Variants in PIN4 observed in about 807,000 individuals in gnomAD.
PIN4 encodes the protein peptidylprolyl cis/trans isomerase, NIMA-interacting 4, also known as peptidyl-prolyl cis-trans isomerase NIMA-interacting 4.
A neutral mutation model predicts 8.3 loss-of-function variants in PIN4; 3 were observed. The ratio of observed to expected loss-of-function variants is 0.36; its 90% CI spans 0.16 to 0.93. PIN4 has a LOEUF of 0.93. PIN4 is among the 40% of genes least tolerant of loss of function. The pLI is 0.44. For missense variants in PIN4, 75 were observed against 100.6 expected, an observed-to-expected ratio of 0.75 and a Z score of 1.09; for synonymous variants, 18 against 32.5, an observed-to-expected ratio of 0.55 and a Z score of 1.52.
At chrX:72,249,219 A>G (rs2043078206) in intron 3 of PIN4, among the ~76,000 whole-genome samples, 1 of 112,290 alleles carries the variant, frequency 8.9e-6, no homozygotes, top group African/African-American at 3.2e-5. Context: ...TGATCAACAT[A>G]ATTTTCCATT....
At chrX:72,222,755 GC>G (rs1193604436) in intron 3 of PIN4, among the ~76,000 whole-genome samples, 1 of 108,824 alleles carries the variant, frequency 9.2e-6, no homozygotes, top group African/African-American at 3.3e-5. Context: ...GTGTCACCAC[GC>G]CCAGCTAATT....
At chrX:72,261,907 T>C (rs57095811) in intron 3 of PIN4, among the ~76,000 whole-genome samples, 7,869 of 109,714 alleles carry the variant, frequency 0.072, 472 homozygotes, top group East Asian at 0.47. Flanking sequence ...CATTCCCAGG[T>C]GTTCTTGTTT....
At chrX:72,259,734 T>TC (rs1219484330) in intron 3 of PIN4, among the ~76,000 whole-genome samples, 9 of 91,766 alleles carry the variant, frequency 9.8e-5, no homozygotes, top group Non-Finnish European at 2.0e-4. Context: ...CTTTTTTTTT[T>TC]TTTTTTTTTT....
intron 3 of PIN4, among the ~76,000 whole-genome samples, chrX:72,244,740 G>A (rs1422164764): frequency 9.0e-6 from 1 of 110,862 alleles, no homozygotes; most frequent in East Asian, 2.8e-4. Flanking sequence ...GAGAATGGAA[G>A]AGTGTTTTTG....
chrX:72,207,277 T>C (rs1252203341), intron 3 of PIN4: 1 of 1,211,433 alleles, frequency 8.3e-7, no homozygotes, highest in East Asian at 3.0e-5. Flanking sequence ...GTGCCTATTC[T>C]TTAAGAGGCG....
intron 3 of PIN4, among the ~76,000 whole-genome samples, chrX:72,229,412 T>C (rs923934942): frequency 2.7e-5 from 3 of 111,789 alleles, no homozygotes; most frequent in Non-Finnish European, 5.6e-5. Context: ...ATATCAATGG[T>C]GCAACATCCT....
intron 3 of PIN4, among the ~76,000 whole-genome samples, chrX:72,210,387 G>A (rs2042847325): frequency 1.8e-5 from 2 of 111,106 alleles, no homozygotes; most frequent in East Asian, 2.8e-4. Context: ...CCAAGTGTTG[G>A]CAAGGTGTGA....
At chrX:72,182,648 T>C (rs1465879256) in intron 1 of PIN4, among the ~76,000 whole-genome samples, 1 of 111,357 alleles carries the variant, frequency 9.0e-6, no homozygotes, top group Non-Finnish European at 1.9e-5. Flanking sequence ...TTGAGGGATG[T>C]GTATGGGATA....
rs1309448682 is a variant in PIN4, at chrX:72,255,272, A to AT, written c.313-7435_313-7434insT. ...GCGACAGAGCAAGACCCCATCTCTA[A>AT]AAATAATAATAATAATAATAATAAT... On this transcript the variant is annotated intron_variant, in intron 3 of 3. Coordinates refer to the PIN4 transcript ENST00000423432. Among the ~76,000 whole-genome samples, 10 of 92,723 alleles carry AT rather than the reference A, an allele frequency of 1.1e-4. No homozygotes were observed. The East Asian group carries it at 1.9e-3, about 17-fold the overall frequency. 80.5% of individuals were successfully genotyped at this position (92,723 alleles called of 115,157 possible).
Position 72,205,217 on chromosome X carries a change from G to A in PIN4, c.312+8313G>A. On this transcript the variant is annotated intron_variant, in intron 3 of 3. Coordinates refer to the PIN4 transcript ENST00000423432. ...TTATCCTGGGGAGAACCAACCAACT[G>A]TTCACCAGACAAAGGCTCAGGGGCA... 2.5e-6 allele frequency: 3 copies of A among 1,211,641 alleles called. No homozygotes were observed. In the South Asian group the frequency reaches 5.3e-5, roughly 21 times the overall value.
chrX:72,184,253 G>A lies in PIN4; in HGVS notation c.44-2208G>A, dbSNP rs2042687439. Among the ~76,000 whole-genome samples the A allele has an allele frequency of 2.7e-5, 3 of 111,755 alleles. No homozygotes were observed. The South Asian group carries it at 1.1e-3, about 42-fold the overall frequency. On this transcript the variant is annotated intron_variant, in intron 1 of 3. Coordinates refer to ENST00000373669, the MANE Select transcript of PIN4 (RefSeq NM_006223.4). ...GTGGGAAGGGAAAAAGAAGTCTGGT[G>A]GCCTAGGTGAATGTAGCAGGACGAA...
At chrX:72,207,562 G>A (rs1334765481) in intron 3 of PIN4, 1 of 1,209,587 alleles carries the variant, frequency 8.3e-7, no homozygotes, top group Non-Finnish European at 1.1e-6. Context: ...ACCTAGCTCA[G>A]CCAAAGGTGA....
At chrX:72,227,116 C>A (rs762739438) in intron 3 of PIN4, among the ~76,000 whole-genome samples, 1 of 111,924 alleles carries the variant, frequency 8.9e-6, no homozygotes, top group Non-Finnish European at 1.9e-5. Flanking sequence ...TAAAAAGGTT[C>A]GGTTTCTTCC....
chrX:72,198,791 G>A (rs1215829548), downstream of PIN4: 2 of 111,087 alleles, frequency 1.8e-5, no homozygotes, highest in Non-Finnish European at 3.8e-5. Flanking sequence ...CTTGGAGTTC[G>A]AGGCTGCAGT....
intron 3 of PIN4, among the ~76,000 whole-genome samples, chrX:72,225,125 C>T (rs1219049180): frequency 8.9e-6 from 1 of 111,753 alleles, no homozygotes; most frequent in East Asian, 2.8e-4. Context: ...AAATTCCTCC[C>T]AACACTAGCC....
At chrX:72,243,436 A>G (rs2043056814) in intron 3 of PIN4, among the ~76,000 whole-genome samples, 1 of 110,924 alleles carries the variant, frequency 9.0e-6, no homozygotes, top group Non-Finnish European at 1.9e-5. Context: ...GTATTTTCAG[A>G]CAAAATGATA....
intron 3 of PIN4, among the ~76,000 whole-genome samples, chrX:72,261,772 GTAT>G (rs2043140895): frequency 9.1e-6 from 1 of 109,637 alleles, no homozygotes; most frequent in Non-Finnish European, 1.9e-5. Flanking sequence ...TTGTTATATT[GTAT>G]TATAAGTTAT....
At position 72,197,647 on chromosome X, in the gene PIN4, C is replaced by T; in HGVS notation, c.*121C>T. 1 of 1,073,953 alleles carries T rather than the reference C, an allele frequency of 9.3e-7. No individual in the cohort carries two copies. The highest frequency in any genetic ancestry group is 1.2e-6 in the Non-Finnish European group (1 of 826,684). The allele number at this position is 1,073,953 out of a possible 1,213,427, so 88.5% of individuals were successfully genotyped here. A position where few individuals can be genotyped will look rare whatever the true frequency, so the allele number is the denominator to read the frequency against. On this transcript the variant is annotated 3_prime_UTR_variant, in exon 4 of 4. Transcript: ENST00000373669. ...TTTTAAAAAGAAAAGATATTGGATG[C>T]TCCTTGTATTCTGTGAAAGCTCTAA...
rs2042769012 is a variant in PIN4, at chrX:72,196,862, T to C, written c.195T>C (p.Asn65=). 8.3e-7 allele frequency: 1 copy of C among 1,204,660 alleles called. No homozygotes were observed. The highest frequency in any genetic ancestry group is 3.0e-5 in the East Asian group (1 of 33,754). Residue 65 remains asparagine, a synonymous_variant, in exon 3 of 4, where the codon AAT becomes AAC. Coordinates refer to ENST00000373669, the MANE Select transcript of PIN4 (RefSeq NM_006223.4). Reference sequence around the variant, plus strand: ...AGTTAAAGTCTGGGATGAGATTCAATGAAGTGGCCGCACAGTATAGTGAAG... The same window carrying C: ...AGTTAAAGTCTGGGATGAGATTCAACGAAGTGGCCGCACAGTATAGTGAAG... ...MEKLKSGMRF[N]EVAAQYSEDK...
Sources: gnomAD v4.1 joint callset for allele counts (sites outside exome capture counted in the v4.1 genomes callset) on GRCh38, gnomAD v4.1.1 for gene constraint, MANE v1.5 for transcripts, NCBI Gene and HGNC (gene_info 2026-07-23, HGNC 2026-07-21) for gene names.